PPP6R2: variants seen among roughly 807,000 people sequenced by gnomAD.
PPP6R2 encodes protein phosphatase 6 regulatory subunit 2, also known as serine/threonine-protein phosphatase 6 regulatory subunit 2.
Under a neutral mutation model 100.2 loss-of-function variants are expected in PPP6R2, and 62 were observed. The observed-to-expected ratio is 0.62, with a 90% CI of 0.50 to 0.76. PPP6R2 has a LOEUF of 0.76. Among genes scored for constraint, PPP6R2 ranks in the 30% least tolerant of loss-of-function variants. The probability of loss-of-function intolerance (pLI) is 0.00; values close to 1 mark genes in which losing one functional copy is unlikely to be tolerated. For missense variants in PPP6R2, 1,142 were observed against 1,276.3 expected (o/e 0.89, Z 1.60); for synonymous variants, 525 against 514.7 (o/e 1.02, Z -0.27).
Position 50,436,893 on chromosome 22 carries a change from A to G in PPP6R2, c.1603-95A>G, listed in dbSNP as rs979592375. The G allele has an allele frequency of 1.9e-5, 19 of 976,282 alleles. No individual in the cohort carries two copies. In the African/African-American group the frequency reaches 2.6e-4, roughly 13 times the overall value. 60.5% of individuals were successfully genotyped at this position (976,282 alleles called of 1,614,324 possible). ...AGTGATGTGCTGGGTGGGGTCTGGGAGCCCTGGGCTGGGCATGGTCCTGGG... is the reference window on the plus strand; with the variant it reads ...AGTGATGTGCTGGGTGGGGTCTGGGGGCCCTGGGCTGGGCATGGTCCTGGG... On this transcript the variant is annotated intron_variant, in intron 14 of 23. Transcript: ENST00000612753.
intron 1 of PPP6R2, among the ~76,000 whole-genome samples, chr22:50,355,132 T>G (rs2148182483): frequency 6.6e-6 from 1 of 152,084 alleles, no homozygotes; most frequent in Non-Finnish European, 1.5e-5. Context: ...CGTGAGCCAC[T>G]TTGCCTGGCC....
intron 4 of PPP6R2, among the ~76,000 whole-genome samples, chr22:50,412,032 G>A (rs914523687): frequency 6.6e-6 from 1 of 152,018 alleles, no homozygotes; most frequent in South Asian, 2.1e-4. Flanking sequence ...GCCAGAGTGA[G>A]ACTGCATCTC....
chr22:50,350,079 C>G (rs1344767558), intron 1 of PPP6R2, among the ~76,000 whole-genome samples: 2 of 151,948 alleles, frequency 1.3e-5, no homozygotes, highest in Non-Finnish European at 2.9e-5. Flanking sequence ...GATTGTGCCA[C>G]TGCACTCCAG....
intron 10 of PPP6R2, among the ~76,000 whole-genome samples, chr22:50,425,366 G>C (rs943689582): frequency 8.5e-5 from 13 of 152,290 alleles, no homozygotes; most frequent in East Asian, 3.9e-4. Flanking sequence ...TACTGTGTGG[G>C]TGGGCCACAT....
At chr22:50,406,208 G>T (rs1603264622) in intron 3 of PPP6R2, among the ~76,000 whole-genome samples, 1 of 144,342 alleles carries the variant, frequency 6.9e-6, no homozygotes, top group African/African-American at 2.6e-5. Context: ...AGAGGTGAGA[G>T]ACCTGGAGAG....
At chr22:50,411,570 A>G (rs1436295606) in intron 4 of PPP6R2, among the ~76,000 whole-genome samples, 1 of 151,918 alleles carries the variant, frequency 6.6e-6, no homozygotes, top group Non-Finnish European at 1.5e-5. Flanking sequence ...CTGGCCCAAC[A>G]TGGTGAAACC....
In PPP6R2 at chr22:50,439,857, G is replaced by T; in HGVS notation, c.2285G>T (p.Cys762Phe). ...TTCACTGACTTCCAACCTTTCTGCT[G>T]GTAACAAATGCGCTGGCAGGAGGGG... ...AKFTDFQPFC[C>F]SESGPRCSSP... Residue 762 changes from cysteine (C) to phenylalanine (F), a missense_variant and splice_region_variant, in exon 20 of 24, where the codon TGC becomes TTC. By Grantham distance (205) the Cys-to-Phe change is radical. Around this residue, in one of 2 missense-constraint regions of PPP6R2, gnomAD observed 550 missense variants for 517.4 expected, o/e 1.06. Coordinates refer to ENST00000612753, the MANE Select transcript of PPP6R2 (RefSeq NM_001242898.2). 1 of 1,612,186 alleles carries T rather than the reference G, an allele frequency of 6.2e-7. No homozygotes were observed. The highest frequency in any genetic ancestry group is 8.5e-7 in the Non-Finnish European group (1 of 1,178,872).
rs575963393 is a variant in PPP6R2 at position 50,441,669 on chromosome 22, C to G, written c.2579+643C>G. ...AGAGGCCCAGGCTCCCTTGAGCCCCCAAGAGCCATCCCTGGGGAGAGAGTG... is the reference window on the plus strand; with the variant it reads ...AGAGGCCCAGGCTCCCTTGAGCCCCGAAGAGCCATCCCTGGGGAGAGAGTG... On this transcript the variant is annotated intron_variant, in intron 22 of 23. Transcript: ENST00000612753. 1.6e-3 allele frequency among the ~76,000 whole-genome samples: 239 copies of G among 152,024 alleles called. 2 individuals carry two copies. Among genetic ancestry groups the G allele is most frequent in the African/African-American group, 5.5e-3 (228 of 41,480 alleles).
upstream of PPP6R2, among the ~76,000 whole-genome samples, chr22:50,339,235 A>T (rs1242850444): frequency 1.2e-5 from 1 of 82,540 alleles, no homozygotes; most frequent in African/African-American, 5.0e-5. Flanking sequence ...TGGTGTGTTT[A>T]CGGTGTGTGT....
chr22:50,384,438 C>G (rs2053777977), intron 2 of PPP6R2, among the ~76,000 whole-genome samples: 1 of 151,982 alleles, frequency 6.6e-6, no homozygotes, highest in Admixed American at 6.6e-5. Context: ...GCCTGTAGTC[C>G]CAGCTACTCA....
chr22:50,340,215 ATG>A (rs2042356814), upstream of PPP6R2, among the ~76,000 whole-genome samples: 1 of 37,088 alleles, frequency 2.7e-5, no homozygotes, highest in Non-Finnish European at 5.4e-5. Context: ...AGTGTGTGGT[ATG>A]TGGTGTGTAT....
At chr22:50,396,515 A>G (rs1197929246) in intron 3 of PPP6R2, among the ~76,000 whole-genome samples, 2 of 151,738 alleles carry the variant, frequency 1.3e-5, no homozygotes, top group African/African-American at 4.8e-5. Flanking sequence ...AAAAAAAATC[A>G]AAGGAAGAAT....
intron 2 of PPP6R2, among the ~76,000 whole-genome samples, chr22:50,374,911 C>CAAAAAAA (rs60035779): frequency 2.3e-4 from 19 of 80,906 alleles, no homozygotes; most frequent in Non-Finnish European, 3.4e-4. Flanking sequence ...GACTCTGTCT[C>CAAAAAAA]AAAAAAAAAA....
At chr22:50,432,539 G>A (rs899170314) in intron 12 of PPP6R2, among the ~76,000 whole-genome samples, 2 of 152,200 alleles carry the variant, frequency 1.3e-5, no homozygotes, top group African/African-American at 4.8e-5. Flanking sequence ...AGGGGACACA[G>A]GGAGCCGACA....
At chr22:50,396,512 A>C (rs1056021814) in intron 3 of PPP6R2, among the ~76,000 whole-genome samples, 2 of 148,866 alleles carry the variant, frequency 1.3e-5, no homozygotes, top group African/African-American at 5.0e-5. Flanking sequence ...AAAAAAAAAA[A>C]TCAAAGGAAG....
At chr22:50,392,144 C>T (rs1473349240) in intron 2 of PPP6R2, 2 of 152,052 alleles carry the variant, frequency 1.3e-5, no homozygotes, top group Non-Finnish European at 2.9e-5. Context: ...GCCGCTACCA[C>T]TCATAAATAT....
At chr22:50,336,881 A>C in the PPP6R2 span, among the ~76,000 whole-genome samples, 1 of 151,388 alleles carries the variant, frequency 6.6e-6, no homozygotes, top group Admixed American at 6.6e-5. Context: ...TAATTTTAAA[A>C]ATTTTTGTAG....
rs752506587 is a variant in PPP6R2 at position 50,438,654 on chromosome 22, G to T, written c.2020G>T (p.Gly674Cys). The T allele has an allele frequency of 1.2e-6, 2 of 1,614,072 alleles. No individual in the cohort carries two copies. The highest frequency in any genetic ancestry group is 1.1e-5 in the South Asian group (1 of 91,086). Residue 674 changes from glycine to cysteine, a missense_variant, in exon 19 of 24, where the codon GGC becomes TGC. By Grantham distance (159) the Gly-to-Cys change is radical. Coordinates refer to ENST00000612753, the MANE Select transcript of PPP6R2 (RefSeq NM_001242898.2). ...SCSKNGPERG[G>C]QDGKASLEAH... ...CTCAAAGAATGGCCCAGAGCGTGGAGGCCAGGATGGGAAGGCGAGCTTGGA... is the reference window on the plus strand; with the variant it reads ...CTCAAAGAATGGCCCAGAGCGTGGATGCCAGGATGGGAAGGCGAGCTTGGA...
rs867373598 is a variant in PPP6R2, at chr22:50,384,963, G to A, written c.-16-8930G>A. ...GGGTCTTGCCATGTCTAGCAGGCTG[G>A]TCTCAAACTCCTGGCCTCAAGTGAG... On this transcript the variant is annotated intron_variant, in intron 2 of 23. Coordinates refer to ENST00000612753, the MANE Select transcript of PPP6R2 (RefSeq NM_001242898.2). 2.6e-5 allele frequency among the ~76,000 whole-genome samples: 4 copies of A among 152,180 alleles called. No homozygotes were observed. In the South Asian group the frequency reaches 6.2e-4, roughly 24 times the overall value.
Sources: gnomAD v4.1 joint callset for allele counts (sites outside exome capture counted in the v4.1 genomes callset) on GRCh38, gnomAD v4.1.1 for gene constraint, gnomAD v4.1.1 regional missense constraint, MANE v1.5 for transcripts, NCBI Gene and HGNC (gene_info 2026-07-23, HGNC 2026-07-21) for gene names.